The following TTL variants were observed in gnomAD, a reference collection of about 807,000 sequenced individuals.
TTL encodes the protein tubulin--tyrosine ligase.
In TTL, 10 loss-of-function variants were observed where a neutral mutation model predicts 41.1. The observed-to-expected ratio is 0.24, with a 90% CI of 0.15 to 0.41. The LOEUF (loss-of-function observed/expected upper bound fraction) is 0.41. Among genes scored for constraint, TTL ranks in the 10% least tolerant of loss-of-function variants. TTL has a pLI of 1.00. For missense variants in TTL, 367 were observed against 460.4 expected, an observed-to-expected ratio of 0.80 and a Z score of 1.86; for synonymous variants, 175 against 175.5, an observed-to-expected ratio of 1.00 and a Z score of 0.02.
intron 5 of TTL, among the ~76,000 whole-genome samples, chr2:112,514,159 C>T (rs956064178): frequency 6.6e-6 from 1 of 151,982 alleles, no homozygotes; most frequent in Non-Finnish European, 1.5e-5. Flanking sequence ...CGAGGTGGGC[C>T]GATCACTTGA....
At chr2:112,513,100 TGTTATA>T (rs768850510) in intron 5 of TTL, among the ~76,000 whole-genome samples, 1 of 152,104 alleles carries the variant, frequency 6.6e-6, no homozygotes, top group African/African-American at 2.4e-5. Context: ...TCTTGCCCTC[TGTTATA>T]GTTATCATAA....
chr2:112,512,349 G>T (rs567890549), intron 5 of TTL, among the ~76,000 whole-genome samples: 1 of 151,558 alleles, frequency 6.6e-6, no homozygotes. Context: ...TGCAAGCTCC[G>T]CCTTGCAGGT....
In TTL at chr2:112,530,517, C is replaced by T. The variant is rs1276981551; in HGVS notation, c.*1722C>T. The T allele has an allele frequency of 8.7e-6, 2 of 228,878 alleles. No individual in the cohort carries two copies. Among genetic ancestry groups the T allele is most frequent in the Admixed American group, 5.7e-5 (1 of 17,588 alleles). 14.2% of individuals were successfully genotyped at this position (228,878 alleles called of 1,614,324 possible). On this transcript the variant is annotated 3_prime_UTR_variant, in exon 7 of 7. Coordinates refer to ENST00000233336, the MANE Select transcript of TTL (RefSeq NM_153712.5). ...CCGATGGGTTGGTGTTTGGGAAATT[C>T]TGAGATGGGAGTGAGATCTGATCGG...
chr2:112,497,762 T>C lies in TTL; in HGVS notation c.469+3387T>C, dbSNP rs1277235245. Among the ~76,000 whole-genome samples the C allele has an allele frequency of 2.6e-5, 4 of 152,156 alleles. No individual in the cohort carries two copies. The East Asian group carries it at 7.7e-4, about 29-fold the overall frequency. Reference sequence around the variant, plus strand: ...GTTTGGGAAAGGTGGATCATTGAATTAATGAACTGAATTGAATTCATTTAT... The same window carrying C: ...GTTTGGGAAAGGTGGATCATTGAATCAATGAACTGAATTGAATTCATTTAT... On this transcript the variant is annotated intron_variant, in intron 3 of 6. Coordinates refer to ENST00000233336, the MANE Select transcript of TTL (RefSeq NM_153712.5).
chr2:112,536,877 A>G lies in TTL; in HGVS notation c.*8082A>G, dbSNP rs1682609827. The G allele has an allele frequency of 6.6e-6, 1 of 152,272 alleles. No individual in the cohort carries two copies. The highest frequency in any genetic ancestry group is 1.9e-4 in the East Asian group (1 of 5,200). The allele number at this position is 152,272 out of a possible 1,614,324, so 9.4% of individuals were successfully genotyped here. ...TGATTTCATTCTTTTTTATGGCTGC[A>G]TAGTATTCCATGGTATATATGTACT... On this transcript the variant is annotated 3_prime_UTR_variant, in exon 7 of 7. Transcript: ENST00000233336.
rs758655222 is a variant in TTL at position 112,529,233 on chromosome 2, G to A, written c.*438G>A. 4.3e-5 allele frequency: 12 copies of A among 281,122 alleles called. No individual in the cohort carries two copies. Among genetic ancestry groups the A allele is most frequent in the Non-Finnish European group, 6.8e-5 (10 of 147,012 alleles). The allele number at this position is 281,122 out of a possible 1,614,324, so 17.4% of individuals were successfully genotyped here. A position where few individuals can be genotyped will look rare whatever the true frequency, so the allele number is the denominator to read the frequency against. ...CTGTGTGTTCCCCACCCATCCCTTC[G>A]GTAACACTCTGCCACACTAAGCTCT... On this transcript the variant is annotated 3_prime_UTR_variant, in exon 7 of 7. Transcript: ENST00000233336.
rs1682511683 is a variant in TTL at position 112,531,657 on chromosome 2, TC to T, written c.*2863del. The T allele has an allele frequency of 8.9e-6, 2 of 225,248 alleles. No individual in the cohort carries two copies. Among genetic ancestry groups the T allele is most frequent in the Non-Finnish European group, 1.8e-5 (2 of 113,120 alleles). 14.0% of individuals were successfully genotyped at this position (225,248 alleles called of 1,614,324 possible). A position where few individuals can be genotyped will look rare whatever the true frequency, so the allele number is the denominator to read the frequency against. On this transcript the variant is annotated 3_prime_UTR_variant, in exon 7 of 7. Transcript: ENST00000233336. ...AGAAGGAAGGACAAACACATTATTA[TC>T]TTGGAAGAATTGCATAAGGCTTATG...
At chr2:112,494,032 TG>T in intron 2 of TTL, 110 bp from the exon 3 acceptor site, 1 of 747,388 alleles carries the variant, frequency 1.3e-6, no homozygotes, top group Non-Finnish European at 2.2e-6. Context: ...GTTAGAAGAC[TG>T]AGTCATGCTT....
At position 112,528,880 on chromosome 2, in the gene TTL, C is replaced by A; in HGVS notation, c.*85C>A. On this transcript the variant is annotated 3_prime_UTR_variant, in exon 7 of 7. Coordinates refer to ENST00000233336, the MANE Select transcript of TTL (RefSeq NM_153712.5). ...AATGACTGGATTGCTCTTTATCCAG[C>A]CCACAGCAGGGGAAAGAAAGGCAAC... 1.8e-6 allele frequency: 2 copies of A among 1,119,102 alleles called. No individual in the cohort carries two copies. Among genetic ancestry groups the A allele is most frequent in the Non-Finnish European group, 2.7e-6 (2 of 737,786 alleles). 69.3% of individuals were successfully genotyped at this position (1,119,102 alleles called of 1,614,324 possible).
Position 112,528,684 on chromosome 2 carries a change from G to C in TTL, c.1023G>C (p.Lys341Asn), listed in dbSNP as rs1421979243. Residue 341 changes from lysine (K) to asparagine (N), a missense_variant, in exon 7 of 7, where the codon AAG (lysine) becomes AAC (asparagine). Physicochemically the swap from Lys to Asn is moderately conservative, Grantham distance 94 (BLOSUM62 0). Transcript: ENST00000233336. ...TATTTTTAAAAACACATTTCAGGAA[G>C]CTCTATGCAGAACTGTGCCAAGGCA... is the stretch of plus-strand genomic sequence containing the variant. ...EVNGAPACAQ[K>N]LYAELCQGIV... is the part of the protein sequence containing the mutation. The C allele has an allele frequency of 6.2e-7, 1 of 1,612,176 alleles. No homozygotes were observed. Among genetic ancestry groups the C allele is most frequent in the African/African-American group, 1.3e-5 (1 of 74,854 alleles).
chr2:112,510,035 CTGT>C (rs1485518302), intron 5 of TTL, among the ~76,000 whole-genome samples: 2 of 152,270 alleles, frequency 1.3e-5, no homozygotes, highest in South Asian at 2.1e-4. Flanking sequence ...TTGGTTTTCT[CTGT>C]TGTTTTTCTT....
At chr2:112,523,496 A>T (rs551477831) in intron 6 of TTL, among the ~76,000 whole-genome samples, 1 of 151,910 alleles carries the variant, frequency 6.6e-6, no homozygotes, top group Admixed American at 6.6e-5. Flanking sequence ...TTCCTCTGTC[A>T]CTGGGGAGTC....
In TTL at chr2:112,498,519, G is replaced by T. The variant is rs1379352972; in HGVS notation, c.470-2687G>T. ...GATTGCAGGACAGTATAGTAAAGAT[G>T]TCAGTTCACCCTAAACTGGTCTATA... On this transcript the variant is annotated intron_variant, in intron 3 of 6. Coordinates refer to ENST00000233336, the MANE Select transcript of TTL (RefSeq NM_153712.5). Among the ~76,000 whole-genome samples the T allele has an allele frequency of 6.6e-5, 10 of 152,282 alleles. No homozygotes were observed. The East Asian group carries it at 1.5e-3, about 24-fold the overall frequency.
intron 5 of TTL, among the ~76,000 whole-genome samples, chr2:112,514,745 A>G (rs532473246): frequency 6.6e-6 from 1 of 152,180 alleles, no homozygotes; most frequent in African/African-American, 2.4e-5. Flanking sequence ...GTGGCTTGAT[A>G]TCTTTTACCA....
Position 112,485,950 on chromosome 2 carries a change from A to G in TTL, c.191A>G (p.Tyr64Cys). The G allele has an allele frequency of 1.9e-6, 3 of 1,614,142 alleles. No homozygotes were observed. The highest frequency in any genetic ancestry group is 2.5e-6 in the Non-Finnish European group (3 of 1,180,018). Residue 64 changes from tyrosine to cysteine, a missense_variant, in exon 2 of 7, where the codon TAC becomes TGC. Physicochemically the swap from Tyr to Cys is radical, Grantham distance 194. Coordinates refer to ENST00000233336, the MANE Select transcript of TTL (RefSeq NM_153712.5). ...HEPGLVQLVN[Y>C]YRGADKLCRK... is the part of the protein sequence containing the mutation. ...CCCGGGCTGGTACAGTTGGTGAATTACTACAGGGGTGCTGACAAACTGTGT... is the reference window on the plus strand; with the variant it reads ...CCCGGGCTGGTACAGTTGGTGAATTGCTACAGGGGTGCTGACAAACTGTGT...
At chr2:112,495,874 C>T (rs1480742180) in intron 3 of TTL, among the ~76,000 whole-genome samples, 1 of 152,098 alleles carries the variant, frequency 6.6e-6, no homozygotes, top group African/African-American at 2.4e-5. Context: ...ATTTTGAACT[C>T]ACTTCTTGTA....
At chr2:112,511,711 C>A (rs749500482) in intron 5 of TTL, among the ~76,000 whole-genome samples, 2 of 150,860 alleles carry the variant, frequency 1.3e-5, no homozygotes, top group Admixed American at 6.6e-5. Context: ...ACTACAGGCA[C>A]ATGCTATCAT....
intron 5 of TTL, among the ~76,000 whole-genome samples, chr2:112,519,343 A>C (rs1247553364): frequency 6.6e-6 from 1 of 152,176 alleles, no homozygotes; most frequent in Non-Finnish European, 1.5e-5. Flanking sequence ...GTCTGACCTG[A>C]GACCTCATGT....
At position 112,520,612 on chromosome 2, in the gene TTL, A is replaced by ACTG. The variant is rs1429156567; in HGVS notation, c.1019+187_1019+188insCTG. On this transcript the variant is annotated intron_variant, in intron 6 of 6. Coordinates refer to ENST00000233336, the MANE Select transcript of TTL (RefSeq NM_153712.5). The stretch of plus-strand genomic sequence containing the variant: ...CACTTCCTTTCCTATTTCCCCGTGT[A>ACTG]TAGGCCAGATAGGCCCAGTGTGGTA... 375 of 577,180 alleles carry ACTG rather than the reference A, an allele frequency of 6.5e-4. No homozygotes were observed. In the African/African-American group the frequency reaches 6.6e-3, roughly 10 times the overall value. 35.8% of individuals were successfully genotyped at this position (577,180 alleles called of 1,614,324 possible). A position where few individuals can be genotyped will look rare whatever the true frequency, so the allele number is the denominator to read the frequency against.
Sources: allele counts gnomAD v4.1 joint callset (sites outside exome capture counted in the v4.1 genomes callset), GRCh38; gene constraint gnomAD v4.1.1; transcripts MANE v1.5; gene names NCBI Gene and HGNC (gene_info 2026-07-23, HGNC 2026-07-21).